The following GRID2 variants were observed in gnomAD, a reference collection of about 807,000 sequenced individuals.
GRID2 encodes glutamate ionotropic receptor delta type subunit 2, also known as glutamate receptor ionotropic, delta-2.
A neutral mutation model predicts 114.8 loss-of-function variants in GRID2; 33 were observed. The ratio of observed to expected loss-of-function variants is 0.29; its 90% CI spans 0.22 to 0.38. The LOEUF (loss-of-function observed/expected upper bound fraction) is 0.38. Ranked by LOEUF, GRID2 falls within the 10% of genes least tolerant of loss-of-function variation. GRID2 has a pLI of 1.00. For synonymous variants in GRID2, 505 were observed against 449.9 expected, an observed-to-expected ratio of 1.12 and a Z score of -1.55; for missense variants, 1,184 against 1,257.7, an observed-to-expected ratio of 0.94 and a Z score of 0.89.
At chr4:93,087,280 T>C (rs1730416908) in intron 3 of GRID2, among the ~76,000 whole-genome samples, 1 of 151,914 alleles carries the variant, frequency 6.6e-6, no homozygotes, top group African/African-American at 2.4e-5. Flanking sequence ...GACATCGTGA[T>C]CCACCCACCT....
chr4:93,667,835 G>T (rs142595930), intron 14 of GRID2, among the ~76,000 whole-genome samples: 1 of 151,884 alleles, frequency 6.6e-6, no homozygotes, highest in South Asian at 2.1e-4. Flanking sequence ...GTTCAAATTC[G>T]CCATGTGAAA....
chr4:93,754,604 G>C (rs1732595537), intron 14 of GRID2, among the ~76,000 whole-genome samples: 1 of 152,258 alleles, frequency 6.6e-6, no homozygotes, highest in African/African-American at 2.4e-5. Flanking sequence ...CATATACAAG[G>C]TAAAGATTCA....
At chr4:93,328,458 C>A (rs986428421) in intron 8 of GRID2, among the ~76,000 whole-genome samples, 1 of 152,150 alleles carries the variant, frequency 6.6e-6, no homozygotes, top group Admixed American at 6.5e-5. Flanking sequence ...CAAATGTCAT[C>A]TTTTAGGGGC....
Position 92,590,208 on chromosome 4 carries a change from G to A in GRID2, c.166G>A (p.Glu56Lys), listed in dbSNP as rs752040593. The A allele has an allele frequency of 7.4e-6, 12 of 1,611,522 alleles. No homozygotes were observed. Among genetic ancestry groups the A allele is most frequent in the Non-Finnish European group, 9.3e-6 (11 of 1,177,716 alleles). ...TAVGDLNQNEEILQTEKITFS... is the reference protein window; with the variant it reads ...TAVGDLNQNEKILQTEKITFS... ...GGTTGGTGACCTTAACCAGAATGAG[G>A]AGATCTTACAGACTGAGAAAATCAC... Residue 56 changes from glutamate to lysine, a missense_variant, in exon 2 of 16, where the codon GAG (glutamate) becomes AAG (lysine). Transcript: ENST00000282020.
chr4:93,559,348 G>A (rs1396516068), intron 13 of GRID2, among the ~76,000 whole-genome samples: 1 of 152,024 alleles, frequency 6.6e-6, no homozygotes, highest in Non-Finnish European at 1.5e-5. Flanking sequence ...CTGACAAAAG[G>A]CTAATATACA....
At chr4:93,607,482 A>G (rs1207922987) in intron 13 of GRID2, among the ~76,000 whole-genome samples, 1 of 152,122 alleles carries the variant, frequency 6.6e-6, no homozygotes, top group Non-Finnish European at 1.5e-5. Flanking sequence ...ATTTGATGTC[A>G]CAATAAACAA....
At chr4:93,506,394 T>C (rs1728630188) in intron 12 of GRID2, among the ~76,000 whole-genome samples, 1 of 152,194 alleles carries the variant, frequency 6.6e-6, no homozygotes, top group Admixed American at 6.5e-5. Flanking sequence ...CTCATGAATC[T>C]TGCTGCGCAC....
intron 1 of GRID2, among the ~76,000 whole-genome samples, chr4:92,377,025 T>C (rs986741550): frequency 2.6e-5 from 4 of 152,214 alleles, no homozygotes; most frequent in Admixed American, 2.6e-4. Context: ...TCTTGGGGAT[T>C]AACATTTGGC....
intron 2 of GRID2, among the ~76,000 whole-genome samples, chr4:92,984,872 T>C (rs1340899762): frequency 1.3e-5 from 2 of 152,088 alleles, no homozygotes; most frequent in Non-Finnish European, 2.9e-5. Flanking sequence ...ATTTGGATTA[T>C]ACAGTATGGG....
chr4:92,471,896 G>A (rs140671017), intron 1 of GRID2, among the ~76,000 whole-genome samples: 1,637 of 148,940 alleles, frequency 0.011, 36 homozygotes, highest in African/African-American at 0.033. Context: ...CTTTAACGGA[G>A]CATACTTATT....
At chr4:92,804,013 A>G (rs1241513573) in intron 2 of GRID2, among the ~76,000 whole-genome samples, 1 of 151,584 alleles carries the variant, frequency 6.6e-6, no homozygotes, top group African/African-American at 2.4e-5. Context: ...TCACAGAGGC[A>G]GAGATTGGAG....
intron 1 of GRID2, among the ~76,000 whole-genome samples, chr4:93,791,873 T>A (rs187934578): frequency 1.3e-5 from 2 of 152,366 alleles, no homozygotes; most frequent in Admixed American, 1.3e-4. Flanking sequence ...GTCTCAGCCC[T>A]CTTTTGAAAA....
chr4:93,451,966 A>G (rs542525142), intron 10 of GRID2, among the ~76,000 whole-genome samples: 1 of 152,288 alleles, frequency 6.6e-6, no homozygotes, highest in Admixed American at 6.5e-5. Flanking sequence ...AGAAATGTCA[A>G]TTATGTAGTT....
chr4:92,628,636 G>A (rs1171718037), intron 2 of GRID2, among the ~76,000 whole-genome samples: 2 of 152,164 alleles, frequency 1.3e-5, no homozygotes, highest in African/African-American at 4.8e-5. Flanking sequence ...AGGATTACAG[G>A]CGTGAGCCAT....
chr4:92,965,822 A>G (rs1753122951), intron 2 of GRID2, among the ~76,000 whole-genome samples: 1 of 152,024 alleles, frequency 6.6e-6, no homozygotes, highest in Admixed American at 6.6e-5. Context: ...GAAATTTTGT[A>G]TATTTTCTCT....
At chr4:92,991,701 C>T (rs1032880474) in intron 2 of GRID2, among the ~76,000 whole-genome samples, 5 of 152,050 alleles carry the variant, frequency 3.3e-5, no homozygotes, top group African/African-American at 4.8e-5. Context: ...GCTTGCCAAA[C>T]GTTGTAGAAA....
At chr4:92,675,772 T>C (rs1007436825) in intron 2 of GRID2, among the ~76,000 whole-genome samples, 1 of 151,980 alleles carries the variant, frequency 6.6e-6, no homozygotes, top group Non-Finnish European at 1.5e-5. Flanking sequence ...GCTAGGATGG[T>C]TTCGATCTCC....
intron 1 of GRID2, among the ~76,000 whole-genome samples, chr4:92,481,077 A>G (rs1194550228): frequency 2.0e-5 from 3 of 152,176 alleles, no homozygotes; most frequent in Admixed American, 6.5e-5. Context: ...TAAATTTCTG[A>G]AGTCAGCAGG....
At chr4:92,787,678 C>T (rs1208139859) in intron 2 of GRID2, among the ~76,000 whole-genome samples, 1 of 151,684 alleles carries the variant, frequency 6.6e-6, no homozygotes, top group Non-Finnish European at 1.5e-5. Flanking sequence ...AGGATGTTGC[C>T]CAGAGAGGTA....
Sources: allele counts gnomAD v4.1 joint callset (sites outside exome capture counted in the v4.1 genomes callset), GRCh38; gene constraint gnomAD v4.1.1; transcripts MANE v1.5; gene names NCBI Gene and HGNC (gene_info 2026-07-23, HGNC 2026-07-21).